Variants in DIP2A observed in about 807,000 individuals in gnomAD.
DIP2A encodes the protein DIP2 acetate--CoA ligase A.
A neutral mutation model predicts 177.4 loss-of-function variants in DIP2A; 85 were observed. That is an observed-to-expected ratio of 0.48 (90% CI 0.40 to 0.57). The LOEUF (loss-of-function observed/expected upper bound fraction) is 0.57, where lower values mean the gene tolerates loss of function less well. Among genes scored for constraint, DIP2A ranks in the 20% least tolerant of loss-of-function variants. DIP2A has a pLI of 0.00. For missense variants in DIP2A, 1,791 were observed against 2,100.2 expected, an observed-to-expected ratio of 0.85 and a Z score of 2.88; for synonymous variants, 886 against 881.8, an observed-to-expected ratio of 1.00 and a Z score of -0.08.
At chr21:46,525,682 G>A (rs1189109655) in intron 8 of DIP2A, 1 of 151,992 alleles carries the variant, frequency 6.6e-6, no homozygotes, top group Non-Finnish European at 1.5e-5. Context: ...CATGGTACCT[G>A]TGCAAGGATG....
In DIP2A at chr21:46,567,497, G is replaced by T. The variant is rs774315497; in HGVS notation, c.4591G>T (p.Val1531Leu). 14 of 1,613,870 alleles carry T rather than the reference G, an allele frequency of 8.7e-6. No homozygotes were observed. Among genetic ancestry groups the T allele is most frequent in the African/African-American group, 1.3e-5 (1 of 74,930 alleles). The change falls in exon 38 of 38, where the codon GTG becomes TTG. Residue 1531 changes from valine (V) to leucine (L), a missense_variant. By Grantham distance (32) the Val-to-Leu change is conservative (BLOSUM62 1). Transcript: ENST00000417564. ...VLEEHYLVVG[V>L]VVIVDPGVIP... ...GGAGGAGCACTACCTGGTCGTGGGA[G>T]TGGTGGTCATCGTGGACCCAGGGGT... is the stretch of plus-strand genomic sequence containing the variant.
chr21:46,481,361 A>G (rs997345815), intron 1 of DIP2A, among the ~76,000 whole-genome samples: 7 of 152,196 alleles, frequency 4.6e-5, no homozygotes, highest in African/African-American at 1.7e-4. Context: ...CTCTTCATTC[A>G]CTTGACATCT....
At chr21:46,507,902 G>A (rs2058100318) in intron 6 of DIP2A, among the ~76,000 whole-genome samples, 1 of 151,298 alleles carries the variant, frequency 6.6e-6, no homozygotes. Flanking sequence ...ATACCAGCAA[G>A]CTTGGCTAAT....
chr21:46,462,096 G>T (rs528648156), intron 1 of DIP2A, among the ~76,000 whole-genome samples: 14 of 152,138 alleles, frequency 9.2e-5, no homozygotes, highest in Non-Finnish European at 1.9e-4. Context: ...TAGTAGAGTG[G>T]CAGCCAAGGA....
intron 8 of DIP2A, among the ~76,000 whole-genome samples, chr21:46,513,075 A>G (rs1271457725): frequency 1.3e-5 from 2 of 149,380 alleles, no homozygotes; most frequent in Non-Finnish European, 3.0e-5. Flanking sequence ...TTAATGAATG[A>G]AAAGTCTTAA....
chr21:46,556,556 G>A lies in DIP2A; in HGVS notation c.3499-383G>A, dbSNP rs1328832226. The A allele has an allele frequency of 1.5e-5, 6 of 401,132 alleles. No individual in the cohort carries two copies. Among genetic ancestry groups the A allele is most frequent in the African/African-American group, 8.4e-5 (4 of 47,798 alleles). The allele number at this position is 401,132 out of a possible 1,614,324, so 24.8% of individuals were successfully genotyped here. A position where few individuals can be genotyped will look rare whatever the true frequency, so the allele number is the denominator to read the frequency against. ...AAATTAGCTGGGCATGGTGGCAGGT[G>A]CCTCTAATCCCAGATACTCAGGAGG... On this transcript the variant is annotated intron_variant, in intron 29 of 37. Coordinates refer to ENST00000417564, the MANE Select transcript of DIP2A (RefSeq NM_015151.4). This position sits in a 1 kb window ranked among gnomAD's most constrained non-coding sequence, Gnocchi z 4.5.
chr21:46,541,687 A>G (rs757981123), intron 17 of DIP2A, 69 bp from the exon 18 acceptor site: 299 of 1,586,844 alleles, frequency 1.9e-4, no homozygotes, highest in Non-Finnish European at 2.4e-4. Context: ...TGCTGCAGGC[A>G]AGGTGGGCCC....
Position 46,568,315 on chromosome 21 carries a change from C to G in DIP2A, c.*693C>G, listed in dbSNP as rs9941875. On this transcript the variant is annotated 3_prime_UTR_variant, in exon 38 of 38. Coordinates refer to ENST00000417564, the MANE Select transcript of DIP2A (RefSeq NM_015151.4). Reference sequence around the variant, plus strand: ...GCGAGCAGATCACGAGGTCAGGAGACCGAGACCATCCTGGCTAACATGGTG... The same window carrying G: ...GCGAGCAGATCACGAGGTCAGGAGAGCGAGACCATCCTGGCTAACATGGTG... 1 of 152,050 alleles carries G rather than the reference C, an allele frequency of 6.6e-6. No homozygotes were observed. The highest frequency in any genetic ancestry group is 6.5e-5 in the Admixed American group (1 of 15,286). 9.4% of individuals were successfully genotyped at this position (152,050 alleles called of 1,614,324 possible).
chr21:46,482,052 A>C (rs2056378273), intron 1 of DIP2A, among the ~76,000 whole-genome samples: 1 of 152,114 alleles, frequency 6.6e-6, no homozygotes, highest in African/African-American at 2.4e-5. Flanking sequence ...CCGTCTCAAA[A>C]AAACAAAAAC....
chr21:46,536,222 G>A (rs2059563400), intron 13 of DIP2A, among the ~76,000 whole-genome samples: 1 of 152,256 alleles, frequency 6.6e-6, no homozygotes, highest in Non-Finnish European at 1.5e-5. Context: ...GGAGTGCTGT[G>A]GCCTTTGGCG....
chr21:46,467,071 C>T (rs995751403), intron 1 of DIP2A, among the ~76,000 whole-genome samples: 48 of 151,520 alleles, frequency 3.2e-4, no homozygotes, highest in Admixed American at 9.8e-4. Context: ...TCGAGGCGGG[C>T]GGATCACGAG....
chr21:46,480,295 C>T (rs994105493), intron 1 of DIP2A, among the ~76,000 whole-genome samples: 16 of 152,244 alleles, frequency 1.1e-4, no homozygotes, highest in Non-Finnish European at 1.8e-4. Context: ...TGCAGGGGAA[C>T]TGTCCTTTTA....
chr21:46,556,327 C>T lies in DIP2A; in HGVS notation c.3498+236C>T, dbSNP rs2060465365. On this transcript the variant is annotated intron_variant, in intron 29 of 37. Transcript: ENST00000417564. The surrounding 1 kb of genome is among the most constrained non-coding windows in gnomAD (Gnocchi z 4.5). ...TCTAAACTTTCTGATTTATGACTGT[C>T]TAGCTTACAGGAACTGGTGGCTTTG... is the stretch of plus-strand genomic sequence containing the variant. The T allele has an allele frequency of 2.0e-6, 3 of 1,473,594 alleles. No individual in the cohort carries two copies. The highest frequency in any genetic ancestry group is 2.4e-5 in the South Asian group (2 of 82,516). 91.3% of individuals were successfully genotyped at this position (1,473,594 alleles called of 1,614,324 possible). A position where few individuals can be genotyped will look rare whatever the true frequency, so the allele number is the denominator to read the frequency against.
chr21:46,551,687 G>T lies in DIP2A; in HGVS notation c.2893G>T (p.Ala965Ser), dbSNP rs370202810. The change falls in exon 24 of 38, where the codon GCT becomes TCT. Residue 965 changes from alanine (A) to serine (S), a missense_variant. Transcript: ENST00000417564. Reference protein sequence around the residue: ...VGNLVAGKRIAQASGRELAHL... With the variant: ...VGNLVAGKRISQASGRELAHL... ...GAACCTGGTTGCTGGGAAGAGAATCGCTCAGGCTTCCGGGAGAGAGCTCGC... is the reference window on the plus strand; with the variant it reads ...GAACCTGGTTGCTGGGAAGAGAATCTCTCAGGCTTCCGGGAGAGAGCTCGC... 8 of 1,613,884 alleles carry T rather than the reference G, an allele frequency of 5.0e-6. No individual in the cohort carries two copies. The East Asian group carries it at 1.1e-4, about 22-fold the overall frequency.
At chr21:46,505,500 T>A (rs1400231708) in intron 6 of DIP2A, among the ~76,000 whole-genome samples, 2 of 152,050 alleles carry the variant, frequency 1.3e-5, no homozygotes, top group Non-Finnish European at 2.9e-5. Flanking sequence ...TCCCAGCTAC[T>A]CGGGAGACTG....
chr21:46,490,073 A>G (rs992638809), intron 2 of DIP2A, among the ~76,000 whole-genome samples: 1 of 152,156 alleles, frequency 6.6e-6, no homozygotes, highest in Admixed American at 6.5e-5. Context: ...CCCTGACGCC[A>G]TCTTTCTAAT....
At chr21:46,481,244 T>C (rs2056324486) in intron 1 of DIP2A, among the ~76,000 whole-genome samples, 1 of 152,234 alleles carries the variant, frequency 6.6e-6, no homozygotes, top group South Asian at 2.1e-4. Flanking sequence ...AATGGCTTTC[T>C]TCTTTCAGCG....
At chr21:46,552,177 T>C (rs1192334043) in intron 25 of DIP2A, among the ~76,000 whole-genome samples, 1 of 152,234 alleles carries the variant, frequency 6.6e-6, no homozygotes, top group Non-Finnish European at 1.5e-5. Context: ...ATTTTGTGTT[T>C]AGCAGGAAAA....
At chr21:46,479,733 A>C (rs556837895) in intron 1 of DIP2A, among the ~76,000 whole-genome samples, 22 of 152,150 alleles carry the variant, frequency 1.4e-4, no homozygotes, top group African/African-American at 4.8e-4. Context: ...GGGTCTCTTT[A>C]TGTTGCCCAA....
Sources: allele counts gnomAD v4.1 joint callset (sites outside exome capture counted in the v4.1 genomes callset), GRCh38; gene constraint gnomAD v4.1.1; non-coding constraint Gnocchi (gnomAD v3.1); transcripts MANE v1.5; gene names NCBI Gene and HGNC (gene_info 2026-07-23, HGNC 2026-07-21).